Variants in ZNF8 observed in about 807,000 individuals in gnomAD.
ZNF8 encodes zinc finger protein 272.
A neutral mutation model predicts 12.2 loss-of-function variants in ZNF8; 9 were observed. The ratio of observed to expected loss-of-function variants is 0.73; its 90% confidence interval spans 0.44 to 1.28. The LOEUF is 1.28. ZNF8 is among the 50% of genes most tolerant of loss of function. ZNF8 has a pLI of 0.00. For missense variants in ZNF8, 664 were observed against 729.1 expected (o/e 0.91, Z 1.03); for synonymous variants, 274 against 282.3 (o/e 0.97, Z 0.30).
In ZNF8 at chr19:58,279,826, G is replaced by A. The variant is rs757151393; in HGVS notation, c.66+679G>A. 3.4e-5 allele frequency: 48 copies of A among 1,405,252 alleles called. No individual in the cohort carries two copies. In the South Asian group the frequency reaches 5.9e-4, roughly 17 times the overall value. 87.0% of individuals were successfully genotyped at this position (1,405,252 alleles called of 1,614,324 possible). On this transcript the variant is annotated intron_variant, in intron 1 of 3. Coordinates refer to ENST00000621650, the MANE Select transcript of ZNF8 (RefSeq NM_021089.3). ...GTTCTCCATAAAGCTGCCTCGCGTG[G>A]CAGGAAACAACAATAATTATCCTTC... is the stretch of plus-strand genomic sequence containing the variant.
chr19:58,295,214 G>A lies in ZNF8; in HGVS notation c.1406G>A (p.Cys469Tyr), dbSNP rs992082151. The A allele has an allele frequency of 2.5e-6, 4 of 1,614,222 alleles. No homozygotes were observed. The highest frequency in any genetic ancestry group is 3.4e-6 in the Non-Finnish European group (4 of 1,180,046). ...CACCGAAGCGACAGACCCTTCAAAT[G>A]TAATCAGTGTGGGAAGTGTTTCATT... The part of the protein sequence containing the change: ...RTHRSDRPFK[C>Y]NQCGKCFIQS... The change falls in exon 4 of 4, where the codon TGT becomes TAT. Residue 469 changes from cysteine to tyrosine, a missense_variant. Transcript: ENST00000621650.
In ZNF8 at chr19:58,295,449, G is replaced by T; in HGVS notation, c.1641G>T (p.Met547Ile). 1.2e-6 allele frequency: 2 copies of T among 1,613,818 alleles called. No individual in the cohort carries two copies. The highest frequency in any genetic ancestry group is 1.7e-6 in the Non-Finnish European group (2 of 1,180,022). The change falls in exon 4 of 4, where the codon ATG (methionine) becomes ATT (isoleucine). Residue 547 changes from methionine (M) to isoleucine (I), a missense_variant. Transcript: ENST00000621650. ...ALALFDIQKI[M>I]QEKNPVHVIG... The stretch of plus-strand genomic sequence containing the variant: ...CTTTGTTTGACATCCAAAAAATCAT[G>T]CAAGAGAAAAACCCTGTGCACGTTA...
chr19:58,291,599 T>G (rs2051420023), intron 3 of ZNF8, among the ~76,000 whole-genome samples: 1 of 152,218 alleles, frequency 6.6e-6, no homozygotes, highest in South Asian at 2.1e-4. Context: ...TGCTGCTGTT[T>G]GTGCTGTGGA....
intron 3 of ZNF8, among the ~76,000 whole-genome samples, chr19:58,293,035 G>A (rs1009333357): frequency 3.3e-5 from 5 of 151,356 alleles, no homozygotes; most frequent in African/African-American, 9.7e-5. Flanking sequence ...TGCAACCTTC[G>A]CCTCCCAGGT....
At chr19:58,291,124 G>T (rs537631408) in intron 3 of ZNF8, among the ~76,000 whole-genome samples, 32 of 152,304 alleles carry the variant, frequency 2.1e-4, no homozygotes, top group African/African-American at 6.7e-4. Flanking sequence ...ATGGCTGGGC[G>T]ATCTCAAGCC....
chr19:58,292,555 C>G (rs974004088), intron 3 of ZNF8, among the ~76,000 whole-genome samples: 2 of 152,302 alleles, frequency 1.3e-5, no homozygotes, highest in African/African-American at 2.4e-5. Context: ...ATTTTGCTAT[C>G]GACATTCAGT....
Position 58,279,124 on chromosome 19 carries a change from G to A in ZNF8, c.43G>A (p.Gly15Arg). The change falls in exon 1 of 4, where the codon GGG becomes AGG. Residue 15 changes from glycine to arginine, a missense_variant. Physicochemically the swap from Gly to Arg is moderately radical, Grantham distance 125. Coordinates refer to ENST00000621650, the MANE Select transcript of ZNF8 (RefSeq NM_021089.3). ...AGGGGTAGCGGGAGTGATGTCTGTG[G>A]GGCCGCCGGCGGCCCGGCTTCAGGT... is the stretch of plus-strand genomic sequence containing the variant. The part of the protein sequence containing the change: ...DEGVAGVMSV[G>R]PPAARLQEPV... 2 of 1,564,174 alleles carry A rather than the reference G, an allele frequency of 1.3e-6. No individual in the cohort carries two copies. The highest frequency in any genetic ancestry group is 1.7e-6 in the Non-Finnish European group (2 of 1,153,714).
intron 3 of ZNF8, among the ~76,000 whole-genome samples, chr19:58,290,108 C>CTTTTTTTT (rs773199651): frequency 8.2e-5 from 6 of 73,424 alleles, no homozygotes; most frequent in South Asian, 5.6e-4. Context: ...TTTCAAGATT[C>CTTTTTTTT]TTTTTTTTTT....
In ZNF8 at chr19:58,295,224, T is replaced by G; in HGVS notation, c.1416T>G (p.Cys472Trp). 6.2e-7 allele frequency: 1 copy of G among 1,614,142 alleles called. No homozygotes were observed. Among genetic ancestry groups the G allele is most frequent in the Non-Finnish European group, 8.5e-7 (1 of 1,180,010 alleles). ...ACAGACCCTTCAAATGTAATCAGTG[T>G]GGGAAGTGTTTCATTCAGAGCTCTC... Reference protein sequence around the residue: ...RSDRPFKCNQCGKCFIQSSHL... With the variant: ...RSDRPFKCNQWGKCFIQSSHL... The change falls in exon 4 of 4, where the codon TGT becomes TGG. Residue 472 changes from cysteine (C) to tryptophan (W), a missense_variant. By Grantham distance (215) the Cys-to-Trp change is radical (BLOSUM62 -2). Transcript: ENST00000621650.
chr19:58,292,432 C>T (rs2051425317), intron 3 of ZNF8, among the ~76,000 whole-genome samples: 1 of 152,148 alleles, frequency 6.6e-6, no homozygotes, highest in South Asian at 2.1e-4. Context: ...GGTATTTCTT[C>T]TTATAAGATC....
At position 58,299,613 on chromosome 19, in the gene ZNF8, C is replaced by A. The variant is rs2051479116; in HGVS notation, c.*4077C>A. On this transcript the variant is annotated 3_prime_UTR_variant, in exon 4 of 4. Transcript: ENST00000621650. Reference sequence around the variant, plus strand: ...TGAAACCCTGTCTCTACTAAAAATACAAAAAATTAGCCTGGCGTGGTGGCG... The same window carrying A: ...TGAAACCCTGTCTCTACTAAAAATAAAAAAAATTAGCCTGGCGTGGTGGCG... 6.6e-6 allele frequency: 1 copy of A among 151,222 alleles called. No homozygotes were observed. The highest frequency in any genetic ancestry group is 2.4e-5 in the African/African-American group (1 of 41,202). The allele number at this position is 151,222 out of a possible 1,614,324, so 9.4% of individuals were successfully genotyped here. A position where few individuals can be genotyped will look rare whatever the true frequency, so the allele number is the denominator to read the frequency against.
rs979485819 is a variant in ZNF8 at position 58,295,725 on chromosome 19, C to T, written c.*189C>T. The stretch of plus-strand genomic sequence containing the variant: ...CTATCAAACTCAGTGCCCTCTTTAG[C>T]GACATATTTTGTGACATTCCTTCCA... On this transcript the variant is annotated 3_prime_UTR_variant, in exon 4 of 4. Coordinates refer to ENST00000621650, the MANE Select transcript of ZNF8 (RefSeq NM_021089.3). 1.2e-5 allele frequency: 7 copies of T among 564,874 alleles called. No homozygotes were observed. Among genetic ancestry groups the T allele is most frequent in the African/African-American group, 1.9e-5 (1 of 53,290 alleles). 35.0% of individuals were successfully genotyped at this position (564,874 alleles called of 1,614,324 possible). A position where few individuals can be genotyped will look rare whatever the true frequency, so the allele number is the denominator to read the frequency against.
In ZNF8 at chr19:58,279,936, G is replaced by A. The variant is rs965534625; in HGVS notation, c.66+789G>A. 4.1e-5 allele frequency: 45 copies of A among 1,094,958 alleles called. No individual in the cohort carries two copies. In the East Asian group the frequency reaches 2.4e-3, roughly 59 times the overall value. The allele number at this position is 1,094,958 out of a possible 1,614,324, so 67.8% of individuals were successfully genotyped here. Reference sequence around the variant, plus strand: ...TGGGGATTTGCATTATTTCAGATTTGGTACACAAAGTGAGACTTGATAATC... The same window carrying A: ...TGGGGATTTGCATTATTTCAGATTTAGTACACAAAGTGAGACTTGATAATC... On this transcript the variant is annotated intron_variant, in intron 1 of 3. Coordinates refer to ENST00000621650, the MANE Select transcript of ZNF8 (RefSeq NM_021089.3).
At chr19:58,279,419 A>G in intron 1 of ZNF8, 1 of 1,446,948 alleles carries the variant, frequency 6.9e-7, no homozygotes, top group South Asian at 1.4e-5. Flanking sequence ...GAGAGAATCG[A>G]GCAGGCCCAT....
intron 1 of ZNF8, among the ~76,000 whole-genome samples, chr19:58,282,990 T>C (rs933352025): frequency 6.6e-6 from 1 of 151,730 alleles, no homozygotes; most frequent in Non-Finnish European, 1.5e-5. Flanking sequence ...CTTTTTTTTT[T>C]CTTTGAGACA....
chr19:58,280,973 A>G (rs1035226704), intron 1 of ZNF8, among the ~76,000 whole-genome samples: 2 of 152,226 alleles, frequency 1.3e-5, no homozygotes, highest in African/African-American at 2.4e-5. Flanking sequence ...GCCCACCTGG[A>G]TAATCCAGGA....
At position 58,286,150 on chromosome 19, in the gene ZNF8, G is replaced by A; in HGVS notation, c.234G>A (p.Glu78=). ...AGCCTGAAGTCATCTCCCAGCTGGA[G>A]CAAGGGACCGAGCTATGGGTGGCTG... ...LPKPEVISQL[E]QGTELWVAER... Residue 78 remains glutamate, a synonymous_variant, in exon 3 of 4, where the codon GAG becomes GAA. Coordinates refer to ENST00000621650, the MANE Select transcript of ZNF8 (RefSeq NM_021089.3). The A allele has an allele frequency of 5.0e-6, 8 of 1,614,174 alleles. No homozygotes were observed. The highest frequency in any genetic ancestry group is 6.8e-6 in the Non-Finnish European group (8 of 1,180,032).
chr19:58,283,968 T>C lies in ZNF8; in HGVS notation c.67-1749T>C, dbSNP rs551619937. Among the ~76,000 whole-genome samples, 10 of 152,242 alleles carry C rather than the reference T, an allele frequency of 6.6e-5. No individual in the cohort carries two copies. The East Asian group carries it at 1.7e-3, about 27-fold the overall frequency. On this transcript the variant is annotated intron_variant, in intron 1 of 3. Coordinates refer to ENST00000621650, the MANE Select transcript of ZNF8 (RefSeq NM_021089.3). ...GAAAAAAAGCAACTTTCTTTATAAA[T>C]TACTTCGTCCTTAGGAGGACAAGGC...
Position 58,296,244 on chromosome 19 carries a change from T to A in ZNF8, c.*708T>A, listed in dbSNP as rs959115961. ...CTGGGGGCAGTTCTGTTCCTCACCATCTTGGCAGCATGCATGGCTCCTGCC... is the reference window on the plus strand; with the variant it reads ...CTGGGGGCAGTTCTGTTCCTCACCAACTTGGCAGCATGCATGGCTCCTGCC... On this transcript the variant is annotated 3_prime_UTR_variant, in exon 4 of 4. Coordinates refer to ENST00000621650, the MANE Select transcript of ZNF8 (RefSeq NM_021089.3). 1.3e-5 allele frequency: 2 copies of A among 152,190 alleles called. No homozygotes were observed. Among genetic ancestry groups the A allele is most frequent in the Admixed American group, 1.3e-4 (2 of 15,268 alleles). 9.4% of individuals were successfully genotyped at this position (152,190 alleles called of 1,614,324 possible). A position where few individuals can be genotyped will look rare whatever the true frequency, so the allele number is the denominator to read the frequency against.
Sources: allele counts gnomAD v4.1 joint callset (sites outside exome capture counted in the v4.1 genomes callset), GRCh38; gene constraint gnomAD v4.1.1; transcripts MANE v1.5; gene names NCBI Gene and HGNC (gene_info 2026-07-23, HGNC 2026-07-21).